Variants in VSNL1 observed in about 807,000 individuals in gnomAD.
The protein encoded by VSNL1 is visinin-like protein 1.
A neutral mutation model predicts 20.4 loss-of-function variants in VSNL1; 6 were observed. The observed-to-expected ratio is 0.29, with a 90% CI of 0.16 to 0.58. The LOEUF is 0.58. Ranked by LOEUF, VSNL1 falls within the 20% of genes least tolerant of loss-of-function variation. The pLI is 0.90. For synonymous variants in VSNL1, 93 were observed against 86.4 expected, an observed-to-expected ratio of 1.08 and a Z score of -0.42; for missense variants, 100 against 234.5, an observed-to-expected ratio of 0.43 and a Z score of 3.75.
At chr2:17,621,039 A>G (rs1034204477) in intron 2 of VSNL1, among the ~76,000 whole-genome samples, 1 of 152,248 alleles carries the variant, frequency 6.6e-6, no homozygotes, top group Non-Finnish European at 1.5e-5. Flanking sequence ...ACTTATGGTT[A>G]CATAATGGTG....
intron 2 of VSNL1, among the ~76,000 whole-genome samples, chr2:17,639,016 CTT>C (rs1378692258): frequency 6.6e-6 from 1 of 152,324 alleles, no homozygotes; most frequent in African/African-American, 2.4e-5. Flanking sequence ...AGTTCTGACT[CTT>C]GTTGCATCTT....
intron 2 of VSNL1, among the ~76,000 whole-genome samples, chr2:17,608,861 T>C (rs1665014719): frequency 6.6e-6 from 1 of 152,204 alleles, no homozygotes; most frequent in Non-Finnish European, 1.5e-5. Context: ...TATGTGTTTA[T>C]CATTTGAAGG....
intron 2 of VSNL1, among the ~76,000 whole-genome samples, chr2:17,637,382 C>T (rs949293660): frequency 6.6e-6 from 1 of 152,230 alleles, no homozygotes; most frequent in African/African-American, 2.4e-5. Context: ...TCCTCAGCCC[C>T]AGCTGGGCCC....
At position 17,634,281 on chromosome 2, in the gene VSNL1, T is replaced by C. The variant is rs1665704211; in HGVS notation, c.163-15129T>C. ...CCCCACACTTGGCTTACTGCTCTGC[T>C]GCTGCCATCTTGATTCTTAATAATT... On this transcript the variant is annotated intron_variant, in intron 2 of 3. Coordinates refer to ENST00000295156, the MANE Select transcript of VSNL1 (RefSeq NM_003385.5). The surrounding 1 kb of genome is among the most constrained non-coding windows in gnomAD (Gnocchi z 4.3). Among the ~76,000 whole-genome samples the C allele has an allele frequency of 1.3e-5, 2 of 152,228 alleles. 1 individual carries two copies. Among genetic ancestry groups the C allele is most frequent in the South Asian group, 4.1e-4 (2 of 4,826 alleles).
intron 2 of VSNL1, among the ~76,000 whole-genome samples, chr2:17,635,179 G>A (rs1665723739): frequency 6.6e-6 from 1 of 152,200 alleles, no homozygotes; most frequent in South Asian, 2.1e-4. Context: ...GAGGGACTGG[G>A]CTGAAGGACA....
At chr2:17,614,160 C>T (rs570088853) in intron 2 of VSNL1, among the ~76,000 whole-genome samples, 1 of 152,258 alleles carries the variant, frequency 6.6e-6, no homozygotes, top group African/African-American at 2.4e-5. Context: ...GGGCAAGGCC[C>T]TCTGAGGTAT....
chr2:17,541,264 AC>A (rs1177163121), intron 1 of VSNL1: 2 of 152,184 alleles, frequency 1.3e-5, no homozygotes, highest in Non-Finnish European at 2.9e-5. Context: ...TGCTGATAAA[AC>A]TATTGAGCGG....
At chr2:17,576,082 A>G (rs1664207585) in intron 1 of VSNL1, among the ~76,000 whole-genome samples, 1 of 152,208 alleles carries the variant, frequency 6.6e-6, no homozygotes, top group African/African-American at 2.4e-5. Flanking sequence ...CTGATACTTA[A>G]CATGGTTTCT....
At chr2:17,543,673 C>T (rs543572276) in intron 1 of VSNL1, among the ~76,000 whole-genome samples, 1 of 152,284 alleles carries the variant, frequency 6.6e-6, no homozygotes, top group South Asian at 2.1e-4. Context: ...AGTAGTGCAG[C>T]TTTTTCATCC....
chr2:17,653,523 C>T (rs1666165050), intron 3 of VSNL1, among the ~76,000 whole-genome samples: 1 of 152,200 alleles, frequency 6.6e-6, no homozygotes, highest in African/African-American at 2.4e-5. Context: ...TAATCAGGAC[C>T]TTGTCTACCA....
chr2:17,615,987 A>G (rs997894573), intron 2 of VSNL1, among the ~76,000 whole-genome samples: 1 of 152,222 alleles, frequency 6.6e-6, no homozygotes, highest in Non-Finnish European at 1.5e-5. Flanking sequence ...AGGCAAGGGA[A>G]TGGATCCTCC....
At position 17,649,881 on chromosome 2, in the gene VSNL1, CCTGT is replaced by C. The variant is rs1336527853; in HGVS notation, c.378+259_378+262del. 2.0e-5 allele frequency among the ~76,000 whole-genome samples: 3 copies of C among 152,220 alleles called. No homozygotes were observed. Among genetic ancestry groups the C allele is most frequent in the Non-Finnish European group, 2.9e-5 (2 of 68,036 alleles). On this transcript the variant is annotated intron_variant, in intron 3 of 3. Transcript: ENST00000295156. The surrounding 1 kb of genome is among the most constrained non-coding windows in gnomAD (Gnocchi z 6.4). Reference sequence around the variant, plus strand: ...CACTCACTACTGGATCTCCCACGAACCTGTCTTACTGTGCACACAGGATGTCATG... The same window carrying C: ...CACTCACTACTGGATCTCCCACGAACCTTACTGTGCACACAGGATGTCATG...
intron 1 of VSNL1, among the ~76,000 whole-genome samples, chr2:17,580,566 A>G (rs188144073): frequency 1.3e-5 from 2 of 152,316 alleles, no homozygotes; most frequent in Non-Finnish European, 2.9e-5. Context: ...TTCCCGTGTG[A>G]CTTTTGCAAA....
At chr2:17,587,443 A>T (rs1456657337) in intron 1 of VSNL1, among the ~76,000 whole-genome samples, 1 of 151,986 alleles carries the variant, frequency 6.6e-6, no homozygotes, top group African/African-American at 2.4e-5. Flanking sequence ...TTATGGAAAA[A>T]AGATGCTCAT....
chr2:17,650,296 C>T (rs1204781550), intron 3 of VSNL1, among the ~76,000 whole-genome samples: 3 of 152,344 alleles, frequency 2.0e-5, no homozygotes, highest in Non-Finnish European at 4.4e-5. Context: ...TATGCCCACT[C>T]CACCCTCACA....
intron 3 of VSNL1, among the ~76,000 whole-genome samples, chr2:17,653,243 A>G (rs373679191): frequency 3.3e-5 from 5 of 152,236 alleles, no homozygotes; most frequent in African/African-American, 1.2e-4. Flanking sequence ...CATGGATACG[A>G]TTAATGAGAT....
intron 2 of VSNL1, among the ~76,000 whole-genome samples, chr2:17,641,566 C>T (rs1298425352): frequency 6.6e-6 from 1 of 152,176 alleles, no homozygotes; most frequent in Admixed American, 6.5e-5. Flanking sequence ...ATCAAAATGC[C>T]ATTGACCCGA....
At chr2:17,650,748 CAG>C (rs1251936594) in intron 3 of VSNL1, among the ~76,000 whole-genome samples, 1 of 152,190 alleles carries the variant, frequency 6.6e-6, no homozygotes, top group Non-Finnish European at 1.5e-5. Flanking sequence ...CTCCCAGCCT[CAG>C]AGAGAAGTCA....
chr2:17,589,070 T>G (rs1664539500), intron 1 of VSNL1, among the ~76,000 whole-genome samples: 1 of 152,120 alleles, frequency 6.6e-6, no homozygotes, highest in South Asian at 2.1e-4. Flanking sequence ...GTGCCTAAGT[T>G]TGCCATGGAG....
Sources: allele counts gnomAD v4.1 joint callset (sites outside exome capture counted in the v4.1 genomes callset), GRCh38; gene constraint gnomAD v4.1.1; non-coding constraint Gnocchi (gnomAD v3.1); transcripts MANE v1.5; gene names NCBI Gene and HGNC (gene_info 2026-07-23, HGNC 2026-07-21).